KIDINS220: variants seen among roughly 807,000 people sequenced by gnomAD.
KIDINS220 encodes the protein kinase D-interacting substrate of 220 kDa.
Under a neutral mutation model 157.6 loss-of-function variants are expected in KIDINS220, and 63 were observed. That is an observed-to-expected ratio of 0.40 (90% CI 0.33 to 0.49). KIDINS220 has a LOEUF of 0.49. KIDINS220 is among the 20% of genes least tolerant of loss of function. The pLI is 0.66. For missense variants in KIDINS220, 1,772 were observed against 2,171.2 expected, an observed-to-expected ratio of 0.82 and a Z score of 3.65; for synonymous variants, 732 against 783.6, an observed-to-expected ratio of 0.93 and a Z score of 1.10.
rs1169977755 is a variant in KIDINS220, at chr2:8,783,193, G to A, written c.2229+2548C>T. The stretch of plus-strand genomic sequence containing the variant: ...GCCTGGGCAACAAGAGTAAAACTCC[G>A]TCTCAAAAAAAAAAAAAGAAACAGG... On this transcript the variant is annotated intron_variant, in intron 17 of 29. Coordinates refer to ENST00000256707, the MANE Select transcript of KIDINS220 (RefSeq NM_020738.4). Among the ~76,000 whole-genome samples, 15 of 72,580 alleles carry A rather than the reference G, an allele frequency of 2.1e-4. No homozygotes were observed. In the East Asian group the frequency reaches 4.7e-3, roughly 23 times the overall value. The allele number at this position is 72,580 out of a possible 152,430, so 47.6% of individuals were successfully genotyped here.
At chr2:8,793,419 C>T (rs1673472506) in intron 12 of KIDINS220, among the ~76,000 whole-genome samples, 1 of 152,190 alleles carries the variant, frequency 6.6e-6, no homozygotes, top group African/African-American at 2.4e-5. Context: ...TCGCTTAAGC[C>T]CAGGAATTTG....
intron 15 of KIDINS220, among the ~76,000 whole-genome samples, chr2:8,787,949 C>T (rs1306357964): frequency 6.6e-6 from 1 of 152,126 alleles, no homozygotes; most frequent in Non-Finnish European, 1.5e-5. Flanking sequence ...TAAGGAAGGG[C>T]CAGGTCTCCA....
chr2:8,813,371 T>A, intron 4 of KIDINS220, 36 bp from the exon 5 acceptor site: 2 of 1,358,780 alleles, frequency 1.5e-6, no homozygotes, highest in Non-Finnish European at 2.1e-6. Context: ...GAATCAAACT[T>A]TAAATCATCT....
In KIDINS220 at chr2:8,786,369, G is replaced by GA. The variant is rs1306387508; in HGVS notation, c.1788-13dup. On this transcript the variant is annotated splice_polypyrimidine_tract_variant and intron_variant, in intron 15 of 29. Transcript: ENST00000256707. ...CTGTAAACAAAAACCTTGAAGAAAAGAACAAATCAAACATTACTTTATTAT... is the reference window on the plus strand; with the variant it reads ...CTGTAAACAAAAACCTTGAAGAAAAGAAACAAATCAAACATTACTTTATTAT... 3 of 1,603,564 alleles carry GA rather than the reference G, an allele frequency of 1.9e-6. No individual in the cohort carries two copies. Among genetic ancestry groups the GA allele is most frequent in the East Asian group, 4.5e-5 (2 of 44,782 alleles).
intron 22 of KIDINS220, among the ~76,000 whole-genome samples, chr2:8,756,999 T>A (rs1572521921): frequency 6.6e-6 from 1 of 152,248 alleles, no homozygotes; most frequent in East Asian, 1.9e-4. Flanking sequence ...CAGGCCTACA[T>A]CCAAAAGCTT....
chr2:8,821,879 T>C (rs539057181), intron 2 of KIDINS220, among the ~76,000 whole-genome samples: 13 of 152,324 alleles, frequency 8.5e-5, no homozygotes, highest in Middle Eastern at 3.4e-3. Flanking sequence ...GTTGTAGAGA[T>C]AGAGTAACTT....
At chr2:8,733,236 A>G (rs190305766) in intron 29 of KIDINS220, among the ~76,000 whole-genome samples, 237 of 152,294 alleles carry the variant, frequency 1.6e-3, no homozygotes, top group African/African-American at 5.5e-3. Context: ...CAATGTCTAC[A>G]TGAGCTACTT....
chr2:8,800,439 C>G lies in KIDINS220; in HGVS notation c.861G>C (p.Ala287=). ...VRGGHVEIVR[A]LLQKYADIDI... The stretch of plus-strand genomic sequence containing the variant: ...CTATATCAGCATATTTTTGGAGAAG[C>G]GCTCGAACAATTTCAACATGACCAC... Residue 287 remains alanine, a synonymous_variant, in exon 9 of 30, where the codon GCG becomes GCC. Coordinates refer to ENST00000256707, the MANE Select transcript of KIDINS220 (RefSeq NM_020738.4). 6.2e-7 allele frequency: 1 copy of G among 1,613,372 alleles called. No homozygotes were observed. Among genetic ancestry groups the G allele is most frequent in the Non-Finnish European group, 8.5e-7 (1 of 1,179,738 alleles).
intron 26 of KIDINS220, among the ~76,000 whole-genome samples, chr2:8,744,403 T>TAC (rs1666243301): frequency 5.6e-5 from 1 of 17,912 alleles, no homozygotes; most frequent in Admixed American, 5.3e-4. Flanking sequence ...ATATATATAA[T>TAC]ATATATATAT....
chr2:8,749,671 T>C (rs1183765037), intron 24 of KIDINS220, among the ~76,000 whole-genome samples: 1 of 152,194 alleles, frequency 6.6e-6, no homozygotes, highest in Non-Finnish European at 1.5e-5. Flanking sequence ...CCCATTATTA[T>C]CTCACATTTA....
At chr2:8,798,016 A>C (rs568470194) in intron 10 of KIDINS220, among the ~76,000 whole-genome samples, 186 bp downstream of exon 10, 2 of 152,354 alleles carry the variant, frequency 1.3e-5, no homozygotes, top group South Asian at 4.1e-4. Context: ...TGAAGTAACA[A>C]CACACTGTAT....
At chr2:8,747,038 C>A in intron 26 of KIDINS220, 107 bp downstream of exon 26, 1 of 970,740 alleles carries the variant, frequency 1.0e-6, no homozygotes, top group Non-Finnish European at 1.7e-6. Context: ...GCTCATCACA[C>A]CACAAACGCA....
At chr2:8,835,878 A>G (rs1199098796) in intron 1 of KIDINS220, among the ~76,000 whole-genome samples, 1 of 152,118 alleles carries the variant, frequency 6.6e-6, no homozygotes, top group Non-Finnish European at 1.5e-5. Context: ...GAAGAAGGGG[A>G]TGGCACATTC....
chr2:8,786,266 T>C lies in KIDINS220; in HGVS notation c.1879A>G (p.Arg627Gly), dbSNP rs1672384960. 2 of 1,614,158 alleles carry C rather than the reference T, an allele frequency of 1.2e-6. No homozygotes were observed. Among genetic ancestry groups the C allele is most frequent in the Non-Finnish European group, 1.7e-6 (2 of 1,180,008 alleles). The change falls in exon 16 of 30, where the codon AGA (arginine) becomes GGA (glycine). Residue 627 changes from arginine to glycine, a missense_variant. Coordinates refer to ENST00000256707, the MANE Select transcript of KIDINS220 (RefSeq NM_020738.4). Reference sequence around the variant, plus strand: ...CTGGTTGCCAAAAAGCCAAACTCTCTTTCACAAGCATCCGAGAGGGTTGCA... The same window carrying C: ...CTGGTTGCCAAAAAGCCAAACTCTCCTTCACAAGCATCCGAGAGGGTTGCA... The part of the protein sequence containing the change: ...MIATLSDACE[R>G]EFGFLATRLF...
chr2:8,836,629 C>T (rs1385940322), intron 1 of KIDINS220, among the ~76,000 whole-genome samples: 3 of 152,204 alleles, frequency 2.0e-5, no homozygotes, highest in Admixed American at 6.5e-5. Flanking sequence ...CACCTGGCCA[C>T]GGCATTTCCC....
chr2:8,819,641 T>G (rs1298623437), intron 2 of KIDINS220, among the ~76,000 whole-genome samples: 2 of 152,076 alleles, frequency 1.3e-5, no homozygotes, highest in Non-Finnish European at 2.9e-5. Flanking sequence ...CTGACCAACA[T>G]GGTGAAACCC....
chr2:8,722,407 G>A (rs1186387900), downstream of KIDINS220: 1 of 152,208 alleles, frequency 6.6e-6, no homozygotes, highest in Non-Finnish European at 1.5e-5. Context: ...TCTGGGACAT[G>A]AGCGCTCACT....
At chr2:8,759,898 G>A (rs1668534887) in intron 22 of KIDINS220, among the ~76,000 whole-genome samples, 1 of 152,082 alleles carries the variant, frequency 6.6e-6, no homozygotes, top group Admixed American at 6.6e-5. Flanking sequence ...CATCCCATAA[G>A]GTATTTATTA....
At chr2:8,774,809 T>C (rs1351350625) in intron 21 of KIDINS220, among the ~76,000 whole-genome samples, 1 of 152,120 alleles carries the variant, frequency 6.6e-6, no homozygotes, top group Admixed American at 6.5e-5. Context: ...TTGTTTTCAG[T>C]GAAATGAGGA....
Sources: allele counts gnomAD v4.1 joint callset (sites outside exome capture counted in the v4.1 genomes callset), GRCh38; gene constraint gnomAD v4.1.1; transcripts MANE v1.5; gene names NCBI Gene and HGNC (gene_info 2026-07-23, HGNC 2026-07-21).